LRBA: variants seen among roughly 807,000 people sequenced by gnomAD.
LRBA encodes the protein LPS responsive beige-like anchor protein.
Under a neutral mutation model 330.0 loss-of-function variants are expected in LRBA, and 176 were observed. The ratio of observed to expected loss-of-function variants is 0.53; its 90% CI spans 0.47 to 0.60. The LOEUF (loss-of-function observed/expected upper bound fraction) is 0.60, where lower values mean the gene tolerates loss of function less well. Ranked by LOEUF, LRBA falls within the 20% of genes least tolerant of loss-of-function variation. The probability of loss-of-function intolerance (pLI) is 0.00; values close to 1 mark genes in which losing one functional copy is unlikely to be tolerated. For synonymous variants in LRBA, 1,230 were observed against 1,193.0 expected, an observed-to-expected ratio of 1.03 and a Z score of -0.64; for missense variants, 3,259 against 3,444.8, an observed-to-expected ratio of 0.95 and a Z score of 1.35.
At chr4:150,413,160 A>G (rs77562343) in intron 47 of LRBA, among the ~76,000 whole-genome samples, 223 of 152,188 alleles carry the variant, frequency 1.5e-3, no homozygotes, top group Non-Finnish European at 2.7e-3. Flanking sequence ...TAAAATAACA[A>G]TGACCTACCT....
intron 48 of LRBA, among the ~76,000 whole-genome samples, chr4:150,330,345 A>G (rs1247332369): frequency 6.6e-6 from 1 of 152,102 alleles, no homozygotes; most frequent in Non-Finnish European, 1.5e-5. Flanking sequence ...GTTAAATAAT[A>G]TTACACCTGT....
chr4:150,521,673 T>C (rs1185924138), intron 40 of LRBA, among the ~76,000 whole-genome samples: 1 of 152,256 alleles, frequency 6.6e-6, no homozygotes, highest in Non-Finnish European at 1.5e-5. Context: ...TTCATTACTT[T>C]GATTTCTAGT....
chr4:150,907,559 T>C (rs942505608), intron 11 of LRBA, among the ~76,000 whole-genome samples: 1 of 152,148 alleles, frequency 6.6e-6, no homozygotes, highest in Non-Finnish European at 1.5e-5. Flanking sequence ...ACCATTATTA[T>C]ACACACTGGT....
At chr4:150,808,825 A>G (rs1422822307) in intron 31 of LRBA, among the ~76,000 whole-genome samples, 1 of 152,238 alleles carries the variant, frequency 6.6e-6, no homozygotes, top group African/African-American at 2.4e-5. Flanking sequence ...TCAAATCACT[A>G]CTAAAGGACT....
intron 37 of LRBA, among the ~76,000 whole-genome samples, chr4:150,676,543 A>T (rs1374176110): frequency 6.6e-6 from 1 of 152,216 alleles, no homozygotes; most frequent in African/African-American, 2.4e-5. Flanking sequence ...AGCTATTATA[A>T]CAGCCTACAG....
At chr4:150,835,892 G>A (rs1747973315) in intron 28 of LRBA, among the ~76,000 whole-genome samples, 2 of 152,286 alleles carry the variant, frequency 1.3e-5, no homozygotes, top group South Asian at 4.2e-4. Context: ...TTTTCAAAGG[G>A]AATGCTTCCA....
chr4:150,321,041 C>A lies in LRBA; in HGVS notation c.7630+150G>T. The A allele has an allele frequency of 1.5e-6, 1 of 680,320 alleles. No homozygotes were observed. The highest frequency in any genetic ancestry group is 2.3e-6 in the Non-Finnish European group (1 of 425,712). 42.1% of individuals were successfully genotyped at this position (680,320 alleles called of 1,614,324 possible). On this transcript the variant is annotated intron_variant, in intron 50 of 56. Transcript: ENST00000651943. The surrounding 1 kb of genome is among the most constrained non-coding windows in gnomAD (Gnocchi z 4.5). ...ATTTGTACTATATGCCTCACGTGGG[C>A]CTTTTTTAAGCCTTTCAAACTATTA...
intron 46 of LRBA, among the ~76,000 whole-genome samples, chr4:150,426,128 A>T (rs369818545): frequency 2.0e-5 from 3 of 152,192 alleles, no homozygotes; most frequent in East Asian, 3.9e-4. Flanking sequence ...ATTGAATTGC[A>T]TTTATAATAG....
At chr4:150,423,582 G>A (rs1467772934) in intron 46 of LRBA, 7 of 348,526 alleles carry the variant, frequency 2.0e-5, no homozygotes, top group African/African-American at 4.4e-5. Flanking sequence ...TTTACCACCT[G>A]CTTGCCCACA....
chr4:150,426,920 TTCCATGTTTGAAATGGACATC>T (rs1749707599), intron 46 of LRBA, among the ~76,000 whole-genome samples: 1 of 151,964 alleles, frequency 6.6e-6, no homozygotes, highest in Non-Finnish European at 1.5e-5. Context: ...CATTTTTCAC[TTCCATGTTTGAAATGGACATC>T]TCCATTGGGC....
chr4:150,343,151 G>C (rs931527004), intron 48 of LRBA, among the ~76,000 whole-genome samples: 1 of 152,136 alleles, frequency 6.6e-6, no homozygotes, highest in Non-Finnish European at 1.5e-5. Flanking sequence ...CCCAGGCTGG[G>C]CACTGCAGGG....
intron 47 of LRBA, among the ~76,000 whole-genome samples, chr4:150,359,971 C>A (rs1439485257): frequency 8.1e-6 from 1 of 123,550 alleles, no homozygotes; most frequent in Admixed American, 8.9e-5. Flanking sequence ...CAGAGCAAGA[C>A]TCCGTCTCAA....
intron 40 of LRBA, chr4:150,582,529 T>C (rs1031762518): frequency 1.9e-5 from 3 of 159,774 alleles, no homozygotes; most frequent in Non-Finnish European, 4.2e-5. Flanking sequence ...AGAAGTCCTA[T>C]CAGCGTGGAA....
intron 2 of LRBA, among the ~76,000 whole-genome samples, chr4:150,947,411 A>T (rs940173334): frequency 6.6e-6 from 1 of 152,108 alleles, no homozygotes; most frequent in Non-Finnish European, 1.5e-5. Context: ...CCACCATATT[A>T]ATAGGATAAG....
At chr4:150,688,659 T>G (rs1413176139) in intron 36 of LRBA, among the ~76,000 whole-genome samples, 1 of 152,126 alleles carries the variant, frequency 6.6e-6, no homozygotes, top group African/African-American at 2.4e-5. Flanking sequence ...CAGACACTTT[T>G]CAAAAGAAGA....
intron 35 of LRBA, among the ~76,000 whole-genome samples, chr4:150,746,369 A>G (rs1003948026): frequency 6.6e-6 from 1 of 152,162 alleles, no homozygotes; most frequent in Admixed American, 6.5e-5. Context: ...TCTTTGCCCC[A>G]TTAACATAAC....
chr4:150,850,387 C>T (rs1750473324), intron 24 of LRBA, among the ~76,000 whole-genome samples: 1 of 152,136 alleles, frequency 6.6e-6, no homozygotes, highest in Non-Finnish European at 1.5e-5. Context: ...AGCAACTGCG[C>T]CCGGCCTATA....
chr4:150,869,522 C>A lies in LRBA; in HGVS notation c.2449+1003G>T, dbSNP rs148046490. Among the ~76,000 whole-genome samples the A allele has an allele frequency of 1.7e-3, 260 of 151,986 alleles. 2 individuals carry two copies. The highest frequency in any genetic ancestry group is 6.0e-3 in the African/African-American group (249 of 41,440). ...TGGCCAACATGGCGAAATCCCATCT[C>A]CACAAAAAATACAAAAATTAGCCAG... On this transcript the variant is annotated intron_variant, in intron 20 of 56. Transcript: ENST00000651943.
chr4:150,824,292 T>C (rs1357301424), intron 30 of LRBA, among the ~76,000 whole-genome samples: 1 of 152,194 alleles, frequency 6.6e-6, no homozygotes, highest in Non-Finnish European at 1.5e-5. Flanking sequence ...TGTACTGAAT[T>C]TATCAGTTAT....
Sources: gnomAD v4.1 joint callset for allele counts (sites outside exome capture counted in the v4.1 genomes callset) on GRCh38, gnomAD v4.1.1 for gene constraint, Gnocchi (gnomAD v3.1) non-coding constraint, MANE v1.5 for transcripts, NCBI Gene and HGNC (gene_info 2026-07-23, HGNC 2026-07-21) for gene names.